COL10A1: variants seen among roughly 807,000 people sequenced by gnomAD.
COL10A1 encodes the protein collagen alpha-1(X) chain.
Under a neutral mutation model 18.2 loss-of-function variants are expected in COL10A1, and 10 were observed. The observed-to-expected ratio is 0.55, with a 90% CI of 0.34 to 0.93. COL10A1 has a LOEUF of 0.93. COL10A1 is among the 40% of genes least tolerant of loss of function. The pLI is 0.02. For synonymous variants in COL10A1, 330 were observed against 316.6 expected, an observed-to-expected ratio of 1.04 and a Z score of -0.45; for missense variants, 897 against 853.5, an observed-to-expected ratio of 1.05 and a Z score of -0.64.
the COL10A1 span, among the ~76,000 whole-genome samples, chr6:116,181,476 A>G: frequency 6.6e-6 from 1 of 152,260 alleles, no homozygotes; most frequent in African/African-American, 2.4e-5. Context: ...AATAAAAACC[A>G]TAGGAAACTA....
intron 1 of COL10A1, among the ~76,000 whole-genome samples, chr6:116,134,827 G>A (rs907367591): frequency 2.6e-5 from 4 of 152,142 alleles, no homozygotes; most frequent in Admixed American, 6.5e-5. Flanking sequence ...TTCAAAGACA[G>A]TTTTTCTGAA....
chr6:116,124,812 G>A (rs1157152358), intron 2 of COL10A1, among the ~76,000 whole-genome samples: 2 of 152,120 alleles, frequency 1.3e-5, no homozygotes, highest in African/African-American at 2.4e-5. Context: ...AGTTTCATTT[G>A]CCTGCTTGGC....
chr6:116,200,027 G>A, the COL10A1 span, among the ~76,000 whole-genome samples: 93,641 of 150,236 alleles, frequency 0.62, 31,021 homozygotes, highest in African/African-American at 0.86. Flanking sequence ...TTTGCAGTGG[G>A]GCAACCTGAC....
intron 1 of COL10A1, among the ~76,000 whole-genome samples, chr6:116,131,252 A>G (rs369164541): frequency 1.3e-5 from 2 of 152,290 alleles, no homozygotes; most frequent in East Asian, 1.9e-4. Flanking sequence ...AACATTGTAT[A>G]TTTCTGAAGT....
At chr6:116,209,300 T>C in the COL10A1 span, among the ~76,000 whole-genome samples, 1 of 151,986 alleles carries the variant, frequency 6.6e-6, no homozygotes, top group African/African-American at 2.4e-5. Flanking sequence ...TCTTAGCTTG[T>C]GGGCTGTGGT....
intron 1 of COL10A1, among the ~76,000 whole-genome samples, chr6:116,138,523 T>A (rs183500161): frequency 6.6e-6 from 1 of 152,324 alleles, no homozygotes; most frequent in African/African-American, 2.4e-5. Context: ...TAGTTCAGAA[T>A]TTGCTAATTA....
the COL10A1 span, among the ~76,000 whole-genome samples, chr6:116,198,207 G>A: frequency 6.6e-6 from 1 of 152,010 alleles, no homozygotes; most frequent in African/African-American, 2.4e-5. Flanking sequence ...AACAGTTTCT[G>A]GGTAACAGCC....
chr6:116,132,511 A>G (rs557954758), intron 1 of COL10A1, among the ~76,000 whole-genome samples: 1 of 152,116 alleles, frequency 6.6e-6, no homozygotes, highest in South Asian at 2.1e-4. Context: ...TAAGGTACAT[A>G]TGTCTTTATT....
At position 116,121,341 on chromosome 6, in the gene COL10A1, C is replaced by A. The variant is rs1283578377; in HGVS notation, c.775G>T (p.Gly259Trp). ...CCTGGCTTTCCAATGCCTTCTGGCC[C>A]TCGTTCCCCAGGAGGGCCTTGGGGA... ...PGPQGPPGER[G>W]PEGIGKPGAA... is the part of the protein sequence containing the mutation. The change falls in exon 3 of 3, where the codon GGG (glycine) becomes TGG (tryptophan). Residue 259 changes from glycine to tryptophan, a missense_variant. Transcript: ENST00000651968. The A allele has an allele frequency of 6.2e-7, 1 of 1,614,100 alleles. No homozygotes were observed. The highest frequency in any genetic ancestry group is 1.1e-5 in the South Asian group (1 of 91,070).
At chr6:116,184,795 T>A in the COL10A1 span, among the ~76,000 whole-genome samples, 1 of 152,082 alleles carries the variant, frequency 6.6e-6, no homozygotes, top group African/African-American at 2.4e-5. Flanking sequence ...TTCTCACTAA[T>A]GGTCTATCAA....
At chr6:116,155,771 A>AT (rs1780175159) in intron 1 of COL10A1, among the ~76,000 whole-genome samples, 1 of 151,616 alleles carries the variant, frequency 6.6e-6, no homozygotes, top group African/African-American at 2.4e-5. Context: ...AAAAAAAAAA[A>AT]AGAGGGAGGA....
the COL10A1 span, among the ~76,000 whole-genome samples, chr6:116,195,729 A>G: frequency 2.0e-5 from 3 of 152,200 alleles, no homozygotes; most frequent in East Asian, 5.8e-4. Context: ...ATTCATTAAG[A>G]TTGAAGTGTA....
chr6:116,134,841 A>G (rs1244018836), intron 1 of COL10A1, among the ~76,000 whole-genome samples: 1 of 152,208 alleles, frequency 6.6e-6, no homozygotes, highest in Non-Finnish European at 1.5e-5. Flanking sequence ...TTCTGAAAGT[A>G]GGCATGGTAG....
At chr6:116,142,663 C>T (rs1253381039) in intron 1 of COL10A1, among the ~76,000 whole-genome samples, 1 of 152,006 alleles carries the variant, frequency 6.6e-6, no homozygotes, top group Non-Finnish European at 1.5e-5. Flanking sequence ...TTAAAGCAGT[C>T]GATGGCAGTG....
At chr6:116,207,267 A>G in the COL10A1 span, among the ~76,000 whole-genome samples, 10 of 151,252 alleles carry the variant, frequency 6.6e-5, no homozygotes, top group African/African-American at 2.4e-4. Flanking sequence ...GGGAAAAAAT[A>G]TTTCTGTACC....
Position 116,119,716 on chromosome 6 carries a change from AT to A in COL10A1, c.*356del. 1 of 190,844 alleles carries A rather than the reference AT, an allele frequency of 5.2e-6. No individual in the cohort carries two copies. The highest frequency in any genetic ancestry group is 1.1e-5 in the Non-Finnish European group (1 of 93,574). The allele number at this position is 190,844 out of a possible 1,614,324, so 11.8% of individuals were successfully genotyped here. ...GGAAATGCCGAGTTTCTCAAATCAA[AT>A]TTCACATAACTTAGAGCTCTATTTC... is the stretch of plus-strand genomic sequence containing the variant. On this transcript the variant is annotated 3_prime_UTR_variant, in exon 3 of 3. Coordinates refer to ENST00000651968, the MANE Select transcript of COL10A1 (RefSeq NM_000493.4).
upstream of COL10A1, among the ~76,000 whole-genome samples, chr6:116,163,616 T>C (rs1402149513): frequency 6.6e-6 from 1 of 152,136 alleles, no homozygotes; most frequent in Non-Finnish European, 1.5e-5. Context: ...GTCTCAATTG[T>C]ATTTAGTTCT....
chr6:116,120,844 C>T lies in COL10A1; in HGVS notation c.1272G>A (p.Val424=), dbSNP rs749839210. ...GCATTCCCTTTGCTCCTGCTGGGCC[C>T]ACAGGGCCTGGGAGACCAGGAGGTC... ...VGGPPGLPGP[V]GPAGAKGMPG... Residue 424 remains valine, a synonymous_variant, in exon 3 of 3, where the codon GTG becomes GTA. Coordinates refer to ENST00000651968, the MANE Select transcript of COL10A1 (RefSeq NM_000493.4). 6.2e-6 allele frequency: 10 copies of T among 1,614,014 alleles called. No individual in the cohort carries two copies. In the South Asian group the frequency reaches 1.1e-4, roughly 18 times the overall value.
rs1249768969 is a variant in COL10A1, at chr6:116,120,218, A to G, written c.1898T>C (p.Leu633Pro). 6.2e-7 allele frequency: 1 copy of G among 1,614,208 alleles called. No homozygotes were observed. Among genetic ancestry groups the G allele is most frequent in the Non-Finnish European group, 8.5e-7 (1 of 1,180,032 alleles). Residue 633 changes from leucine (L) to proline (P), a missense_variant, in exon 3 of 3, where the codon CTG becomes CCG. Leu to Pro is a moderately conservative substitution (Grantham distance 98). Transcript: ENST00000651968. ...YTYDEYTKGY[L>P]DQASGSAIID... ...GATGGCACTCCCTGAAGCCTGATCC[A>G]GGTAGCCTTTGGTGTATTCATCATA...
Sources: gnomAD v4.1 joint callset for allele counts (sites outside exome capture counted in the v4.1 genomes callset) on GRCh38, gnomAD v4.1.1 for gene constraint, MANE v1.5 for transcripts, NCBI Gene and HGNC (gene_info 2026-07-23, HGNC 2026-07-21) for gene names.